The following RALGPS2 variants were observed in gnomAD, a reference collection of about 807,000 sequenced individuals.
RALGPS2 encodes ras-specific guanine nucleotide-releasing factor RalGPS2.
RALGPS2 carries 43 observed loss-of-function variants against 86.8 expected under a neutral mutation model. The ratio of observed to expected loss-of-function variants is 0.50; its 90% confidence interval spans 0.39 to 0.64. The LOEUF (loss-of-function observed/expected upper bound fraction) is 0.64, where lower values mean the gene tolerates loss of function less well. Ranked by LOEUF, RALGPS2 falls within the 30% of genes least tolerant of loss-of-function variation. The pLI is 0.00. For missense variants in RALGPS2, 536 were observed against 694.6 expected, an observed-to-expected ratio of 0.77 and a Z score of 2.57; for synonymous variants, 243 against 231.3, an observed-to-expected ratio of 1.05 and a Z score of -0.46.
rs141793291 is a variant in RALGPS2, at chr1:178,889,341, A to G, written c.1193-301A>G. ...CTAATAAGAAATTTTGTGTTATTTT[A>G]TGTTCTCTAATGGTAGGAAAAATTG... On this transcript the variant is annotated intron_variant, in intron 13 of 19. Transcript: ENST00000367635. Among the ~76,000 whole-genome samples, 114 of 152,122 alleles carry G rather than the reference A, an allele frequency of 7.5e-4. 1 individual carries two copies. Among genetic ancestry groups the G allele is most frequent in the African/African-American group, 2.5e-3 (105 of 41,552 alleles).
rs1394856624 is a variant in RALGPS2 at position 178,725,257 on chromosome 1, G to C, written c.-246G>C. The C allele has an allele frequency of 5.6e-5, 2 of 35,818 alleles. No homozygotes were observed. 2.2% of individuals were successfully genotyped at this position (35,818 alleles called of 1,614,324 possible). Reference sequence around the variant, plus strand: ...TGGTTCCAGCTCACTCTCCTCCCCCGAGCGGCAGCGGCGGCGGCGGCGGCG... The same window carrying C: ...TGGTTCCAGCTCACTCTCCTCCCCCCAGCGGCAGCGGCGGCGGCGGCGGCG... On this transcript the variant is annotated 5_prime_UTR_variant, in exon 1 of 20. Transcript: ENST00000367635.
intron 6 of RALGPS2, among the ~76,000 whole-genome samples, chr1:178,817,345 TAAAAAAAAAAA>T (rs142692953): frequency 1.0e-5 from 1 of 98,050 alleles, no homozygotes; most frequent in Non-Finnish European, 2.0e-5. Context: ...TGTCTCAATT[TAAAAAAAAAAA>T]AAAAAAAAAA....
At chr1:178,910,695 C>T (rs6675724) in intron 19 of RALGPS2, among the ~76,000 whole-genome samples, 1,765 of 152,220 alleles carry the variant, frequency 0.012, 52 homozygotes, top group African/African-American at 0.04. Context: ...TGTGTCTGTT[C>T]ATCAGGTATA....
chr1:178,840,376 C>G (rs1357187300), intron 8 of RALGPS2, among the ~76,000 whole-genome samples: 1 of 152,210 alleles, frequency 6.6e-6, no homozygotes. Context: ...TACATGGAAA[C>G]TGAACAACCT....
chr1:178,735,102 CA>C (rs1650596251), intron 1 of RALGPS2, among the ~76,000 whole-genome samples: 1 of 151,238 alleles, frequency 6.6e-6, no homozygotes, highest in African/African-American at 2.4e-5. Context: ...TCAACAACAA[CA>C]AAAAAAGGGG....
intron 8 of RALGPS2, among the ~76,000 whole-genome samples, chr1:178,872,222 C>A (rs1422712012): frequency 6.6e-6 from 1 of 152,164 alleles, no homozygotes; most frequent in African/African-American, 2.4e-5. Context: ...CACTGTTGAT[C>A]CACATCCTTT....
chr1:178,800,848 T>C (rs886689531), intron 4 of RALGPS2, among the ~76,000 whole-genome samples: 1 of 151,936 alleles, frequency 6.6e-6, no homozygotes, highest in African/African-American at 2.4e-5. Flanking sequence ...TGATGTGAAG[T>C]AGAGAGAAAA....
chr1:178,882,253 T>A (rs2102373090), intron 10 of RALGPS2, among the ~76,000 whole-genome samples: 1 of 152,320 alleles, frequency 6.6e-6, no homozygotes, highest in African/African-American at 2.4e-5. Context: ...CATTGGGAAA[T>A]GGTAGTTATT....
chr1:178,865,366 T>C, intron 8 of RALGPS2: 1 of 1,614,140 alleles, frequency 6.2e-7, no homozygotes. Context: ...TCTCATGTAA[T>C]AATTGCATAT....
chr1:178,818,455 C>G (rs1302895932), intron 6 of RALGPS2, among the ~76,000 whole-genome samples: 1 of 152,188 alleles, frequency 6.6e-6, no homozygotes, highest in Non-Finnish European at 1.5e-5. Flanking sequence ...TTCATATAAC[C>G]TCTGGTCACA....
At chr1:178,883,408 T>G in intron 10 of RALGPS2, 58 bp from the exon 11 acceptor site, 1 of 1,320,470 alleles carries the variant, frequency 7.6e-7, no homozygotes, top group Non-Finnish European at 1.1e-6. Context: ...ACAACTTTAA[T>G]CTTATTTTGT....
intron 8 of RALGPS2, among the ~76,000 whole-genome samples, chr1:178,838,123 G>A (rs1656380981): frequency 2.0e-5 from 3 of 152,222 alleles, no homozygotes; most frequent in Non-Finnish European, 4.4e-5. Flanking sequence ...ACAAAAGGCA[G>A]CAGAAACCTC....
intron 8 of RALGPS2, among the ~76,000 whole-genome samples, chr1:178,859,376 TC>T (rs1206826594): frequency 1.3e-5 from 2 of 151,828 alleles, no homozygotes; most frequent in Non-Finnish European, 2.9e-5. Context: ...ATTTTTAGTT[TC>T]TAATGACTAC....
chr1:178,899,447 A>T (rs924820062), intron 17 of RALGPS2, among the ~76,000 whole-genome samples: 2 of 151,854 alleles, frequency 1.3e-5, no homozygotes, highest in Non-Finnish European at 2.9e-5. Flanking sequence ...ATTTGGTATT[A>T]ATCTTGAGAT....
intron 4 of RALGPS2, among the ~76,000 whole-genome samples, chr1:178,800,483 G>T (rs750995151): frequency 4.6e-5 from 7 of 151,856 alleles, no homozygotes; most frequent in Non-Finnish European, 8.8e-5. Context: ...AGACCTTAAT[G>T]ATGATCCACT....
intron 1 of RALGPS2, among the ~76,000 whole-genome samples, chr1:178,768,272 A>G (rs1006401617): frequency 3.3e-5 from 5 of 152,082 alleles, no homozygotes; most frequent in African/African-American, 9.7e-5. Flanking sequence ...ATGGTGCAGA[A>G]TCCTTGTGTT....
intron 19 of RALGPS2, among the ~76,000 whole-genome samples, chr1:178,907,426 G>A (rs2102413660): frequency 6.6e-6 from 1 of 152,310 alleles, no homozygotes; most frequent in South Asian, 2.1e-4. Context: ...ACAATTTGAT[G>A]TGGGTTTCTG....
intron 1 of RALGPS2, among the ~76,000 whole-genome samples, chr1:178,770,683 GC>G (rs1442925258): frequency 6.6e-6 from 1 of 150,532 alleles, no homozygotes; most frequent in Admixed American, 6.6e-5. Context: ...CACCATGTTG[GC>G]CAGGCTGGTC....
At chr1:178,862,125 G>A (rs1021010596) in intron 8 of RALGPS2, among the ~76,000 whole-genome samples, 12 of 152,014 alleles carry the variant, frequency 7.9e-5, no homozygotes, top group Admixed American at 2.6e-4. Context: ...CGTCTGCCTC[G>A]GCCTCCGAAA....
Sources: allele counts gnomAD v4.1 joint callset (sites outside exome capture counted in the v4.1 genomes callset), GRCh38; gene constraint gnomAD v4.1.1; transcripts MANE v1.5; gene names NCBI Gene and HGNC (gene_info 2026-07-23, HGNC 2026-07-21).